The following AGPS variants were observed in gnomAD, a reference collection of about 807,000 sequenced individuals.
The protein encoded by AGPS is alkylglycerone phosphate synthase, also known as alkyldihydroxyacetonephosphate synthase, peroxisomal.
In AGPS, 26 loss-of-function variants were observed where a neutral mutation model predicts 90.7. That is an observed-to-expected ratio of 0.29 (90% CI 0.21 to 0.40). The LOEUF is 0.40. Ranked by LOEUF, AGPS falls within the 10% of genes least tolerant of loss-of-function variation. AGPS has a pLI of 1.00. For synonymous variants in AGPS, 294 were observed against 285.3 expected (o/e 1.03, Z -0.31); for missense variants, 540 against 816.1 (o/e 0.66, Z 4.12).
At chr2:177,502,047 T>A (rs1268706062) in intron 14 of AGPS, among the ~76,000 whole-genome samples, 1 of 152,222 alleles carries the variant, frequency 6.6e-6, no homozygotes, top group African/African-American at 2.4e-5. Flanking sequence ...ATTAAAACTA[T>A]AAGTGAATCT....
At chr2:177,407,807 T>G (rs1685507485) in intron 1 of AGPS, among the ~76,000 whole-genome samples, 1 of 151,626 alleles carries the variant, frequency 6.6e-6, no homozygotes, top group Non-Finnish European at 1.5e-5. Context: ...TTTTTTTTTT[T>G]TTAAAAAAAA....
At position 177,472,117 on chromosome 2, in the gene AGPS, G is replaced by GT. The variant is rs1270907622; in HGVS notation, c.1105+3603dup. Among the ~76,000 whole-genome samples, 569 of 147,446 alleles carry GT rather than the reference G, an allele frequency of 3.9e-3. 4 individuals carry two copies. The highest frequency in any genetic ancestry group is 0.012 in the African/African-American group (471 of 40,298). Reference sequence around the variant, plus strand: ...TTGGATAGTAGTGTTAAATATTAGGGTTTTTTTTTTCATTGTTTCAGTTTT... The same window carrying GT: ...TTGGATAGTAGTGTTAAATATTAGGGTTTTTTTTTTTCATTGTTTCAGTTTT... On this transcript the variant is annotated intron_variant, in intron 10 of 19. Coordinates refer to ENST00000264167, the MANE Select transcript of AGPS (RefSeq NM_003659.4).
intron 2 of AGPS, among the ~76,000 whole-genome samples, chr2:177,425,622 GAAAAAAA>G (rs1159060576): frequency 2.1e-5 from 2 of 95,278 alleles, no homozygotes; most frequent in Admixed American, 1.3e-4. Context: ...ACTCTGCCTA[GAAAAAAA>G]AAAAAAAAAA....
intron 11 of AGPS, among the ~76,000 whole-genome samples, chr2:177,488,151 T>G (rs887825818): frequency 6.6e-6 from 1 of 152,144 alleles, no homozygotes; most frequent in Admixed American, 6.5e-5. Flanking sequence ...TGTCTACATT[T>G]TAAGTTTTTA....
chr2:177,441,202 C>A, intron 6 of AGPS, 166 bp downstream of exon 6: 1 of 635,008 alleles, frequency 1.6e-6, no homozygotes, highest in South Asian at 2.0e-5. Context: ...AAGTAGGATT[C>A]CTTAAACTGT....
Position 177,497,672 on chromosome 2 carries a change from C to CT in AGPS, c.1286-11dup. 1 of 1,464,222 alleles carries CT rather than the reference C, an allele frequency of 6.8e-7. No individual in the cohort carries two copies. Among genetic ancestry groups the CT allele is most frequent in the Non-Finnish European group, 9.3e-7 (1 of 1,074,306 alleles). 90.7% of individuals were successfully genotyped at this position (1,464,222 alleles called of 1,614,324 possible). On this transcript the variant is annotated splice_polypyrimidine_tract_variant and intron_variant, in intron 12 of 19. Coordinates refer to ENST00000264167, the MANE Select transcript of AGPS (RefSeq NM_003659.4). ...ACATAGACTAACCTATTAATATAAA[C>CT]TTTTTTCTCTTCTTAGGTCATGCTC...
At chr2:177,440,205 G>A (rs1686559556) in intron 5 of AGPS, among the ~76,000 whole-genome samples, 1 of 151,934 alleles carries the variant, frequency 6.6e-6, no homozygotes, top group Non-Finnish European at 1.5e-5. Context: ...TAAATAATAG[G>A]TATTTGAACA....
At chr2:177,449,955 A>T (rs2105649190) in intron 8 of AGPS, among the ~76,000 whole-genome samples, 1 of 151,724 alleles carries the variant, frequency 6.6e-6, no homozygotes, top group East Asian at 1.9e-4. Flanking sequence ...CTCCTGCCTC[A>T]GCCTCCCCAG....
chr2:177,463,995 G>A (rs939518918), intron 9 of AGPS, among the ~76,000 whole-genome samples: 1 of 152,164 alleles, frequency 6.6e-6, no homozygotes, highest in East Asian at 1.9e-4. Flanking sequence ...AGGCTGGAGT[G>A]CAGTGGCACA....
In AGPS at chr2:177,392,940, G is replaced by A; in HGVS notation, c.151G>A (p.Glu51Lys). The change falls in exon 1 of 20, where the codon GAG becomes AAG. Residue 51 changes from glutamate (E) to lysine (K), a missense_variant. Coordinates refer to ENST00000264167, the MANE Select transcript of AGPS (RefSeq NM_003659.4). ...TGGCCATCTGCTGGGCCGGCCCCGGGAGGCTCTGAGTACCAATGAGTGCAA... is the reference window on the plus strand; with the variant it reads ...TGGCCATCTGCTGGGCCGGCCCCGGAAGGCTCTGAGTACCAATGAGTGCAA... ...LSGHLLGRPR[E>K]ALSTNECKAR... 1 of 1,550,104 alleles carries A rather than the reference G, an allele frequency of 6.5e-7. No homozygotes were observed. Among genetic ancestry groups the A allele is most frequent in the Non-Finnish European group, 8.7e-7 (1 of 1,146,718 alleles).
chr2:177,496,836 T>G (rs1360582047), intron 12 of AGPS, among the ~76,000 whole-genome samples: 13 of 152,036 alleles, frequency 8.6e-5, no homozygotes. Flanking sequence ...GGCCTACACT[T>G]TAAAAACAAA....
At chr2:177,511,621 C>A (rs1052493547) in intron 16 of AGPS, among the ~76,000 whole-genome samples, 9 of 151,608 alleles carry the variant, frequency 5.9e-5, no homozygotes, top group Non-Finnish European at 1.3e-4. Context: ...TAAAAAAAGC[C>A]CAGGGAAGTT....
intron 2 of AGPS, among the ~76,000 whole-genome samples, chr2:177,433,816 A>G (rs1368483655): frequency 6.6e-6 from 1 of 152,020 alleles, no homozygotes; most frequent in Non-Finnish European, 1.5e-5. Context: ...AGATTCCAGT[A>G]TGTATTCTAT....
At chr2:177,412,396 T>TC (rs1559035577) in intron 1 of AGPS, among the ~76,000 whole-genome samples, 1 of 152,076 alleles carries the variant, frequency 6.6e-6, no homozygotes, top group Non-Finnish European at 1.5e-5. Flanking sequence ...GCCCTTGGCT[T>TC]CCCCAGGAAA....
intron 16 of AGPS, among the ~76,000 whole-genome samples, chr2:177,511,145 C>T (rs1343690271): frequency 2.0e-5 from 3 of 152,066 alleles, no homozygotes; most frequent in African/African-American, 7.2e-5. Context: ...GTCACCCAGG[C>T]CAGAGTGCAG....
chr2:177,448,282 A>G (rs892901950), intron 8 of AGPS, among the ~76,000 whole-genome samples: 4 of 152,142 alleles, frequency 2.6e-5, no homozygotes, highest in African/African-American at 9.7e-5. Flanking sequence ...TTTCATCAAG[A>G]TGAAATAAGT....
In AGPS at chr2:177,445,843, CTACCTTCAGG is replaced by C. The variant is rs1686752779; in HGVS notation, c.870+220_870+229del. 4.6e-5 allele frequency among the ~76,000 whole-genome samples: 7 copies of C among 152,106 alleles called. No individual in the cohort carries two copies. In the South Asian group the frequency reaches 1.5e-3, roughly 32 times the overall value. On this transcript the variant is annotated intron_variant, in intron 8 of 19. Coordinates refer to ENST00000264167, the MANE Select transcript of AGPS (RefSeq NM_003659.4). Reference sequence around the variant, plus strand: ...ATGATAGTGAATAAGGCATTGTCTGCTACCTTCAGGTAGCTTAGATTAGGACAGAAAGTTC... The same window carrying C: ...ATGATAGTGAATAAGGCATTGTCTGCTAGCTTAGATTAGGACAGAAAGTTC...
intron 8 of AGPS, among the ~76,000 whole-genome samples, chr2:177,456,984 CAA>C (rs1687136544): frequency 1.3e-5 from 2 of 152,156 alleles, no homozygotes; most frequent in South Asian, 2.1e-4. Flanking sequence ...GAAATCATAA[CAA>C]ACAATCTCTC....
At position 177,542,662 on chromosome 2, in the gene AGPS, C is replaced by T. The variant is rs1173703326; in HGVS notation, c.*4467C>T. The T allele has an allele frequency of 6.6e-6, 1 of 152,046 alleles. No individual in the cohort carries two copies. The highest frequency in any genetic ancestry group is 1.5e-5 in the Non-Finnish European group (1 of 67,990). 9.4% of individuals were successfully genotyped at this position (152,046 alleles called of 1,614,324 possible). A position where few individuals can be genotyped will look rare whatever the true frequency, so the allele number is the denominator to read the frequency against. On this transcript the variant is annotated 3_prime_UTR_variant, in exon 20 of 20. Transcript: ENST00000264167. Reference sequence around the variant, plus strand: ...ACATATATACATGTTTTTAAGACAACCTTTTGTTGGCAGTGTTTTTCCTGA... The same window carrying T: ...ACATATATACATGTTTTTAAGACAATCTTTTGTTGGCAGTGTTTTTCCTGA...
Sources: allele counts gnomAD v4.1 joint callset (sites outside exome capture counted in the v4.1 genomes callset), GRCh38; gene constraint gnomAD v4.1.1; transcripts MANE v1.5; gene names NCBI Gene and HGNC (gene_info 2026-07-23, HGNC 2026-07-21).